The following IRAG1 variants were observed in gnomAD, a reference collection of about 807,000 sequenced individuals.
The protein encoded by IRAG1 is IP3R-associated cGMP kinase substrate.
Under a neutral mutation model 106.2 loss-of-function variants are expected in IRAG1, and 62 were observed. The observed-to-expected ratio is 0.58, with a 90% confidence interval of 0.48 to 0.72. The LOEUF is 0.72. Among genes scored for constraint, IRAG1 ranks in the 30% least tolerant of loss-of-function variants. IRAG1 has a pLI of 0.00. For synonymous variants in IRAG1, 462 were observed against 443.9 expected (o/e 1.04, Z -0.51); for missense variants, 1,064 against 1,140.7 (o/e 0.93, Z 0.97).
At chr11:10,633,322 G>A (rs964557644) in intron 3 of IRAG1, among the ~76,000 whole-genome samples, 13 of 152,034 alleles carry the variant, frequency 8.6e-5, no homozygotes, top group East Asian at 1.9e-4. Context: ...TGATTCACCC[G>A]CCTTGGCCTC....
At chr11:10,662,242 A>G (rs1859458845) in intron 1 of IRAG1, among the ~76,000 whole-genome samples, 1 of 152,178 alleles carries the variant, frequency 6.6e-6, no homozygotes, top group Admixed American at 6.5e-5. Context: ...CCCCATCTCT[A>G]CTAAAAATAC....
At position 10,633,589 on chromosome 11, in the gene IRAG1, GTTA is replaced by G. The variant is rs1358052001; in HGVS notation, c.329+376_329+378del. On this transcript the variant is annotated intron_variant, in intron 3 of 20. Transcript: ENST00000423302. ...ATGTTTGGCTGCAAATAGCTGGACAGTTATTATGGGAAACTCTCCTGCGGTGAT... is the reference window on the plus strand; with the variant it reads ...ATGTTTGGCTGCAAATAGCTGGACAGTTATGGGAAACTCTCCTGCGGTGAT... Among the ~76,000 whole-genome samples, 7 of 152,292 alleles carry G rather than the reference GTTA, an allele frequency of 4.6e-5. No individual in the cohort carries two copies. The East Asian group carries it at 1.4e-3, about 29-fold the overall frequency.
intron 2 of IRAG1, among the ~76,000 whole-genome samples, chr11:10,640,036 G>A (rs1589894921): frequency 6.6e-6 from 1 of 152,174 alleles, no homozygotes; most frequent in East Asian, 1.9e-4. Context: ...CCATTCATTA[G>A]CATGAAGGAA....
intron 11 of IRAG1, among the ~76,000 whole-genome samples, chr11:10,608,687 G>A (rs1854682340): frequency 6.6e-6 from 1 of 152,080 alleles, no homozygotes; most frequent in South Asian, 2.1e-4. Context: ...TTGAAAAATT[G>A]GTTATTTATC....
rs117628283 is a variant in IRAG1 at position 10,691,913 on chromosome 11, C to T, written c.67+1623G>A. On this transcript the variant is annotated intron_variant, in intron 1 of 20. Coordinates refer to ENST00000423302, the MANE Select transcript of IRAG1 (RefSeq NM_130385.4). ...CTCTGTGCTAAAGTGTCCTCCTCTA[C>T]AAGACCAGGGTGGAAAGAATGACCC... Among the ~76,000 whole-genome samples the T allele has an allele frequency of 8.5e-3, 1,300 of 152,274 alleles. 6 individuals are homozygous for T. Among genetic ancestry groups the T allele is most frequent in the Non-Finnish European group, 0.014 (920 of 68,024 alleles).
At chr11:10,686,148 C>A (rs1000484366) in intron 1 of IRAG1, among the ~76,000 whole-genome samples, 1 of 152,168 alleles carries the variant, frequency 6.6e-6, no homozygotes, top group Non-Finnish European at 1.5e-5. Flanking sequence ...TTAATCTGGG[C>A]TTCAATAATA....
chr11:10,651,056 C>G (rs752650747), intron 2 of IRAG1, among the ~76,000 whole-genome samples: 6 of 152,234 alleles, frequency 3.9e-5, no homozygotes, highest in Non-Finnish European at 7.3e-5. Context: ...CCACCTGGCT[C>G]AGGTCAGTTT....
intron 1 of IRAG1, among the ~76,000 whole-genome samples, chr11:10,691,796 T>C (rs1862077742): frequency 6.6e-6 from 1 of 152,022 alleles, no homozygotes; most frequent in Non-Finnish European, 1.5e-5. Context: ...CACTCTGACA[T>C]GGGGTCCCAA....
chr11:10,693,258 G>A (rs1862201872), intron 1 of IRAG1, among the ~76,000 whole-genome samples: 2 of 152,188 alleles, frequency 1.3e-5, no homozygotes. Context: ...CGCCTGTCAG[G>A]ACCCACATTT....
intron 15 of IRAG1, among the ~76,000 whole-genome samples, chr11:10,596,789 TAATC>T (rs1426076693): frequency 2.0e-5 from 3 of 152,374 alleles, no homozygotes; most frequent in South Asian, 4.1e-4. Context: ...TTAAATGTTA[TAATC>T]AATCAGGATA....
chr11:10,686,947 G>A (rs1367393188), intron 1 of IRAG1, among the ~76,000 whole-genome samples: 1 of 152,212 alleles, frequency 6.6e-6, no homozygotes, highest in East Asian at 1.9e-4. Context: ...GAGATCACTT[G>A]CTCCCTGTCT....
Position 10,632,361 on chromosome 11 carries a change from T to C in IRAG1, c.330-300A>G, listed in dbSNP as rs573161453. Among the ~76,000 whole-genome samples the C allele has an allele frequency of 1.9e-4, 29 of 152,136 alleles. No individual in the cohort carries two copies. In the South Asian group the frequency reaches 5.8e-3, roughly 30 times the overall value. On this transcript the variant is annotated intron_variant, in intron 3 of 20. Coordinates refer to ENST00000423302, the MANE Select transcript of IRAG1 (RefSeq NM_130385.4). ...CCACCACACCCAGCTAATTTTTGTATTTTTAGTGGAGATGGGGTTTCACCA... is the reference window on the plus strand; with the variant it reads ...CCACCACACCCAGCTAATTTTTGTACTTTTAGTGGAGATGGGGTTTCACCA...
intron 1 of IRAG1, among the ~76,000 whole-genome samples, chr11:10,683,919 AT>A (rs1861461659): frequency 6.6e-6 from 1 of 151,890 alleles, no homozygotes; most frequent in South Asian, 2.1e-4. Context: ...TTTTCAAAAT[AT>A]TATTTCATCT....
At chr11:10,685,736 A>G (rs1861621049) in intron 1 of IRAG1, among the ~76,000 whole-genome samples, 1 of 151,548 alleles carries the variant, frequency 6.6e-6, no homozygotes, top group African/African-American at 2.4e-5. Flanking sequence ...GAAAAAAAAA[A>G]AAAAAAATTG....
chr11:10,691,272 C>G (rs1220445385), intron 1 of IRAG1, among the ~76,000 whole-genome samples: 1 of 152,198 alleles, frequency 6.6e-6, no homozygotes, highest in African/African-American at 2.4e-5. Flanking sequence ...CGTGTGCTCC[C>G]GGCATTCTGG....
chr11:10,585,496 T>A (rs926592391), intron 18 of IRAG1, among the ~76,000 whole-genome samples: 1 of 151,748 alleles, frequency 6.6e-6, no homozygotes, highest in Non-Finnish European at 1.5e-5. Flanking sequence ...GAATCGCATT[T>A]CAAGTGATTT....
At chr11:10,663,841 G>C (rs1023803027) in intron 1 of IRAG1, among the ~76,000 whole-genome samples, 2 of 152,156 alleles carry the variant, frequency 1.3e-5, no homozygotes, top group Non-Finnish European at 2.9e-5. Flanking sequence ...AACCATCTCA[G>C]GTCTGTGAGA....
chr11:10,654,677 C>G (rs978931935), intron 1 of IRAG1, among the ~76,000 whole-genome samples: 1 of 152,176 alleles, frequency 6.6e-6, no homozygotes, highest in African/African-American at 2.4e-5. Flanking sequence ...TGAGAAGTTG[C>G]AGGACCCCAG....
At chr11:10,646,523 C>T (rs1857959115) in intron 2 of IRAG1, among the ~76,000 whole-genome samples, 1 of 152,146 alleles carries the variant, frequency 6.6e-6, no homozygotes, top group South Asian at 2.1e-4. Context: ...GCCAGCACCT[C>T]CATAGCCAGA....
Sources: gnomAD v4.1 joint callset for allele counts (sites outside exome capture counted in the v4.1 genomes callset) on GRCh38, gnomAD v4.1.1 for gene constraint, MANE v1.5 for transcripts, NCBI Gene and HGNC (gene_info 2026-07-23, HGNC 2026-07-21) for gene names.